AKAP6: variants seen among roughly 807,000 people sequenced by gnomAD.
AKAP6 encodes the protein A-kinase anchoring protein 6.
In AKAP6, 58 loss-of-function variants were observed where a neutral mutation model predicts 188.5. That is an observed-to-expected ratio of 0.31 (90% CI 0.25 to 0.38). The LOEUF is 0.38. Ranked by LOEUF, AKAP6 falls within the 10% of genes least tolerant of loss-of-function variation. AKAP6 has a pLI of 1.00. For missense variants in AKAP6, 2,710 were observed against 2,740.0 expected (o/e 0.99, Z 0.24); for synonymous variants, 989 against 998.6 (o/e 0.99, Z 0.18).
chr14:32,419,147 A>G (rs1889755518), intron 1 of AKAP6, among the ~76,000 whole-genome samples: 1 of 152,198 alleles, frequency 6.6e-6, no homozygotes, highest in Admixed American at 6.5e-5. Flanking sequence ...ACCTTGCTGA[A>G]ATTGTTTCTT....
intron 2 of AKAP6, among the ~76,000 whole-genome samples, chr14:32,528,819 A>G (rs1468795133): frequency 6.6e-6 from 1 of 152,058 alleles, no homozygotes; most frequent in Non-Finnish European, 1.5e-5. Flanking sequence ...CTGGGATTAC[A>G]GGCATGCAAC....
At chr14:32,761,587 G>A (rs2032540289) in intron 11 of AKAP6, among the ~76,000 whole-genome samples, 1 of 152,098 alleles carries the variant, frequency 6.6e-6, no homozygotes, top group African/African-American at 2.4e-5. Flanking sequence ...TAAATAATCT[G>A]TCCTCTCCCA....
At chr14:32,626,299 A>G (rs1329658625) in intron 7 of AKAP6, among the ~76,000 whole-genome samples, 3 of 152,034 alleles carry the variant, frequency 2.0e-5, no homozygotes, top group Non-Finnish European at 4.4e-5. Context: ...GTGGTCTTTC[A>G]TATGTACAGT....
At chr14:32,492,213 C>T (rs1022959896) in intron 2 of AKAP6, among the ~76,000 whole-genome samples, 4 of 151,800 alleles carry the variant, frequency 2.6e-5, no homozygotes, top group African/African-American at 9.7e-5. Context: ...GCCTTTAGAA[C>T]TCAGCTTTGC....
chr14:32,754,352 A>G (rs1027198182), intron 11 of AKAP6, among the ~76,000 whole-genome samples: 2 of 152,148 alleles, frequency 1.3e-5, no homozygotes, highest in Admixed American at 6.5e-5. Flanking sequence ...ACTGATGTTA[A>G]CAGCTTAACT....
intron 2 of AKAP6, chr14:32,439,157 ACTGGGCTGTACCCAG>A (rs1408734000): frequency 6.6e-6 from 1 of 152,210 alleles, no homozygotes; most frequent in East Asian, 1.9e-4. Context: ...AGATGTTCTG[ACTGGGCTGTACCCAG>A]ACTGAGATGT....
chr14:32,648,020 G>C (rs1315286792), intron 7 of AKAP6, among the ~76,000 whole-genome samples: 1 of 152,056 alleles, frequency 6.6e-6, no homozygotes, highest in Non-Finnish European at 1.5e-5. Context: ...AGAGTCTTTA[G>C]ATCAGTATAA....
chr14:32,815,219 T>A (rs2034347837), intron 12 of AKAP6, among the ~76,000 whole-genome samples: 1 of 152,216 alleles, frequency 6.6e-6, no homozygotes, highest in Non-Finnish European at 1.5e-5. Context: ...TGACTTTGGA[T>A]TTTACTTGTC....
chr14:32,832,987 G>A lies in AKAP6; in HGVS notation c.*3182G>A, dbSNP rs1473452705. The A allele has an allele frequency of 7.9e-5, 12 of 152,516 alleles. No homozygotes were observed. Among genetic ancestry groups the A allele is most frequent in the Non-Finnish European group, 2.9e-5 (2 of 68,020 alleles). 9.4% of individuals were successfully genotyped at this position (152,516 alleles called of 1,614,324 possible). On this transcript the variant is annotated 3_prime_UTR_variant, in exon 14 of 14. Transcript: ENST00000280979. ...AAGAATCTGAACATTTAAGTGCGAA[G>A]TTTTCTCTAGAAATATATTCAAGAT...
At chr14:32,743,393 C>G (rs747377347) in intron 11 of AKAP6, among the ~76,000 whole-genome samples, 4 of 152,056 alleles carry the variant, frequency 2.6e-5, no homozygotes, top group Non-Finnish European at 5.9e-5. Flanking sequence ...TTAGGACTTA[C>G]TCCTGCTATT....
At chr14:32,503,515 T>C (rs1880706913) in intron 2 of AKAP6, among the ~76,000 whole-genome samples, 1 of 152,054 alleles carries the variant, frequency 6.6e-6, no homozygotes, top group Non-Finnish European at 1.5e-5. Flanking sequence ...ATATGTAACT[T>C]ACAGGGTTTT....
At chr14:32,481,331 C>T (rs1434749814) in intron 2 of AKAP6, among the ~76,000 whole-genome samples, 2 of 152,164 alleles carry the variant, frequency 1.3e-5, no homozygotes, top group African/African-American at 2.4e-5. Flanking sequence ...ATTTCATATA[C>T]ATCCTTCCAG....
chr14:32,398,351 T>A (rs1010084095), intron 1 of AKAP6, among the ~76,000 whole-genome samples: 1 of 152,236 alleles, frequency 6.6e-6, no homozygotes, highest in African/African-American at 2.4e-5. Flanking sequence ...GGTGTTTATT[T>A]ACCTTGAGGC....
At chr14:32,492,191 C>G (rs1394015567) in intron 2 of AKAP6, among the ~76,000 whole-genome samples, 9 of 151,902 alleles carry the variant, frequency 5.9e-5, no homozygotes, top group Non-Finnish European at 1.3e-4. Flanking sequence ...ATGTCTGGCT[C>G]TCTCTTACTT....
chr14:32,503,604 C>T (rs1430775343), intron 2 of AKAP6, among the ~76,000 whole-genome samples: 1 of 151,632 alleles, frequency 6.6e-6, no homozygotes, highest in Admixed American at 6.6e-5. Context: ...TATAATGGAT[C>T]CAACTTACTT....
chr14:32,433,852 G>A (rs1042239909), intron 2 of AKAP6, 35 bp downstream of exon 2: 1 of 1,575,802 alleles, frequency 6.3e-7, no homozygotes, highest in Non-Finnish European at 8.6e-7. Context: ...CAGGATAGAA[G>A]TTTTCAAAAG....
At chr14:32,790,089 T>C (rs1227441837) in intron 12 of AKAP6, among the ~76,000 whole-genome samples, 9 of 152,154 alleles carry the variant, frequency 5.9e-5, no homozygotes, top group African/African-American at 2.2e-4. Context: ...CAAGTATCAA[T>C]AGCAGAATAG....
intron 3 of AKAP6, among the ~76,000 whole-genome samples, chr14:32,540,168 C>CTATA (rs61668961): frequency 0.011 from 688 of 60,800 alleles, 21 homozygotes; most frequent in Middle Eastern, 0.035. Flanking sequence ...CTCTCTCTCT[C>CTATA]TATATATATA....
intron 11 of AKAP6, among the ~76,000 whole-genome samples, chr14:32,748,949 T>TAC (rs151123259): frequency 3.3e-5 from 5 of 151,994 alleles, no homozygotes; most frequent in East Asian, 1.9e-4. Context: ...CACACAAGTG[T>TAC]ACACACACAC....
Sources: allele counts gnomAD v4.1 joint callset (sites outside exome capture counted in the v4.1 genomes callset), GRCh38; gene constraint gnomAD v4.1.1; transcripts MANE v1.5; gene names NCBI Gene and HGNC (gene_info 2026-07-23, HGNC 2026-07-21).